Variants in WDR90 observed in about 807,000 individuals in gnomAD.
WDR90 encodes the protein WD repeat-containing protein 90.
A neutral mutation model predicts 195.2 loss-of-function variants in WDR90; 238 were observed. The observed-to-expected ratio is 1.22, with a 90% CI of 1.10 to 1.36. WDR90 has a LOEUF of 1.36. WDR90 is among the 40% of genes most tolerant of loss of function. The pLI is 0.00. For synonymous variants in WDR90, 1,265 were observed against 1,052.4 expected, an observed-to-expected ratio of 1.20 and a Z score of -3.91; for missense variants, 2,734 against 2,439.5, an observed-to-expected ratio of 1.12 and a Z score of -2.54.
chr16:655,509 G>T, intron 15 of WDR90, 41 bp downstream of exon 15: 2 of 1,539,514 alleles, frequency 1.3e-6, no homozygotes, highest in Non-Finnish European at 1.8e-6. Context: ...CCGGCATGGG[G>T]GCCCTGGTGC....
chr16:651,901 C>T lies in WDR90; in HGVS notation c.915C>T (p.Asn305=), dbSNP rs753908879. 1.4e-5 allele frequency: 23 copies of T among 1,611,230 alleles called. No homozygotes were observed. The highest frequency in any genetic ancestry group is 3.3e-4 in the Middle Eastern group (2 of 6,062). The change falls in exon 9 of 41, where the codon AAC becomes AAT. Residue 305 remains asparagine, a synonymous_variant. Transcript: ENST00000293879. ...CCCAAGAGCGCTCAGACGCCTCCAA[C>T]GCGGATGGCCCCGGTTTCCATAGCC... The part of the protein sequence containing the change: ...SLSQERSDAS[N]ADGPGFHSLE...
chr16:649,630 G>C, intron 1 of WDR90, 133 bp from the exon 2 acceptor site: 2 of 1,167,346 alleles, frequency 1.7e-6, no homozygotes, highest in Non-Finnish European at 2.2e-6. Flanking sequence ...CGCCAGCCTA[G>C]CTGGCGTTGG....
Position 660,720 on chromosome 16 carries a change from G to A in WDR90, c.3391+6G>A, listed in dbSNP as rs1161528618. The A allele has an allele frequency of 6.4e-7, 1 of 1,550,392 alleles. No homozygotes were observed. The highest frequency in any genetic ancestry group is 8.7e-7 in the Non-Finnish European group (1 of 1,144,544). Reference sequence around the variant, plus strand: ...GGTCTGGAGGCCGGACACAGGTGGGGGCCAAGAGCCTACCCCCACCCCCAG... The same window carrying A: ...GGTCTGGAGGCCGGACACAGGTGGGAGCCAAGAGCCTACCCCCACCCCCAG... On this transcript the variant is annotated splice_donor_region_variant and intron_variant, in intron 28 of 40. Transcript: ENST00000293879.
At chr16:659,978 T>C (rs1279904387) in intron 26 of WDR90, 80 bp from the exon 27 acceptor site, 3 of 1,083,590 alleles carry the variant, frequency 2.8e-6, no homozygotes, top group African/African-American at 3.2e-5. Context: ...CAGGGGCTTG[T>C]GGGGAGACTG....
At chr16:661,531 G>T (rs2037913461) in intron 30 of WDR90, 30 bp downstream of exon 30, 1 of 1,559,012 alleles carries the variant, frequency 6.4e-7, no homozygotes, top group Non-Finnish European at 8.6e-7. Context: ...GAGGCCAGGG[G>T]CTTCCCTAGA....
Position 650,512 on chromosome 16 carries a change from C to T in WDR90, c.389-27C>T, listed in dbSNP as rs766173906. ...AGTCGCGGGCTGTCAGGAGGGTGGG[C>T]GCTGACCCTGAGTGCCCATCCTGCA... is the stretch of plus-strand genomic sequence containing the variant. On this transcript the variant is annotated intron_variant, in intron 4 of 40. Transcript: ENST00000293879. 58 of 1,590,378 alleles carry T rather than the reference C, an allele frequency of 3.6e-5. No individual in the cohort carries two copies. In the South Asian group the frequency reaches 4.1e-4, roughly 11 times the overall value.
At chr16:666,871 C>T (rs762714468) in intron 39 of WDR90, 34 bp from the exon 40 acceptor site, 5 of 1,612,960 alleles carry the variant, frequency 3.1e-6, no homozygotes, top group Non-Finnish European at 4.2e-6. Context: ...GCCCTGAGCC[C>T]ACAGGCCTGG....
chr16:666,678 G>C lies in WDR90; in HGVS notation c.4890G>C (p.Gln1630His). 6.2e-7 allele frequency: 1 copy of C among 1,612,656 alleles called. No homozygotes were observed. Among genetic ancestry groups the C allele is most frequent in the South Asian group, 1.1e-5 (1 of 91,068 alleles). ...SFPMPATTET[Q>H]GHLPPSLAAF... ...AGCATGCTGCGCCTTTGCAGACTCA[G>C]GGCCACCTGCCACCCTCCCTCGCTG... The change falls in exon 39 of 41, where the codon CAG (glutamine) becomes CAC (histidine). Residue 1630 changes from glutamine to histidine, a missense_variant. By Grantham distance (24) the Gln-to-His change is conservative (BLOSUM62 0). Transcript: ENST00000293879.
chr16:653,158 G>C (rs775463777), intron 10 of WDR90, among the ~76,000 whole-genome samples, 183 bp from the exon 11 acceptor site: 52 of 152,180 alleles, frequency 3.4e-4, no homozygotes, highest in Admixed American at 3.3e-4. Flanking sequence ...CCTGTGACTC[G>C]TGTATGTAGT....
intron 34 of WDR90, 120 bp from the exon 35 acceptor site, chr16:665,559 G>A (rs895127355): frequency 2.6e-6 from 4 of 1,523,110 alleles, no homozygotes; most frequent in African/African-American, 1.4e-5. Flanking sequence ...AGTTGGCCGG[G>A]GCCAGAGGCA....
At chr16:654,769 C>T in intron 13 of WDR90, 1 of 516,222 alleles carries the variant, frequency 1.9e-6, no homozygotes, top group Non-Finnish European at 3.5e-6. Flanking sequence ...TTTTTATCCA[C>T]CTTCCGGCTT....
At position 656,251 on chromosome 16, in the gene WDR90, C is replaced by T. The variant is rs545749016; in HGVS notation, c.1967-51C>T. On this transcript the variant is annotated intron_variant, in intron 17 of 40. Coordinates refer to ENST00000293879, the MANE Select transcript of WDR90 (RefSeq NM_145294.5). ...GTCGGGGACCCGAAGCCTGAGCATG[C>T]GGCTCACCCCGGGGTGGCCCTGGAG... 1.4e-4 allele frequency: 219 copies of T among 1,526,364 alleles called. 1 individual carries two copies. In the South Asian group the frequency reaches 1.5e-3, roughly 10 times the overall value. The allele number at this position is 1,526,364 out of a possible 1,614,324, so 94.6% of individuals were successfully genotyped here. A position where few individuals can be genotyped will look rare whatever the true frequency, so the allele number is the denominator to read the frequency against.
At chr16:662,531 C>T (rs1410499698) in intron 33 of WDR90, 148 bp from the exon 34 acceptor site, 5 of 1,257,878 alleles carry the variant, frequency 4.0e-6, no homozygotes, top group Non-Finnish European at 5.4e-6. Context: ...AGCCCCAGCT[C>T]CATGGGCTTT....
intron 5 of WDR90, 104 bp downstream of exon 5, chr16:650,813 G>A: frequency 4.0e-6 from 6 of 1,514,602 alleles, no homozygotes; most frequent in Non-Finnish European, 5.4e-6. Flanking sequence ...CTCGAGCTGT[G>A]CTGTCTCTGA....
Position 662,006 on chromosome 16 carries a change from A to T in WDR90, c.3980A>T (p.Asp1327Val). The T allele has an allele frequency of 6.2e-7, 1 of 1,604,156 alleles. No homozygotes were observed. The highest frequency in any genetic ancestry group is 2.2e-5 in the East Asian group (1 of 44,876). The change falls in exon 32 of 41, where the codon GAC becomes GTC. Residue 1327 changes from aspartate (D) to valine (V), a missense_variant. By Grantham distance (152) the Asp-to-Val change is radical (BLOSUM62 -3). Transcript: ENST00000293879. ...GTSSGQVCVW[D>V]TRAGRCFLSW... is the part of the protein sequence containing the mutation. ...AGCTCTGGCCAGGTCTGTGTCTGGG[A>T]CACGCGTGCCGGCCGCTGCTTCTTG... is the stretch of plus-strand genomic sequence containing the variant.
Position 659,057 on chromosome 16 carries a change from TC to T in WDR90, c.3012-27del, listed in dbSNP as rs1391186486. On this transcript the variant is annotated intron_variant, in intron 24 of 40. Coordinates refer to ENST00000293879, the MANE Select transcript of WDR90 (RefSeq NM_145294.5). ...GTGTCTGCCTAGGCCCCCCAGGCCCTCCTGAAACCCTCTCTCCTCCCTCTCC... is the reference window on the plus strand; with the variant it reads ...GTGTCTGCCTAGGCCCCCCAGGCCCTCTGAAACCCTCTCTCCTCCCTCTCC... The T allele has an allele frequency of 1.9e-6, 3 of 1,612,936 alleles. No individual in the cohort carries two copies. The East Asian group carries it at 6.7e-5, about 36-fold the overall frequency.
chr16:650,595 C>G lies in WDR90; in HGVS notation c.445C>G (p.Gln149Glu). The G allele has an allele frequency of 6.2e-7, 1 of 1,612,762 alleles. No individual in the cohort carries two copies. The highest frequency in any genetic ancestry group is 8.5e-7 in the Non-Finnish European group (1 of 1,179,902). Residue 149 changes from glutamine to glutamate, a missense_variant, in exon 5 of 41, where the codon CAG becomes GAG. Transcript: ENST00000293879. ...CTGGACCTGCCTGCAGCTCGATCTGCAGGACGTTCTCCTGGTCTACCTGAA... is the reference window on the plus strand; with the variant it reads ...CTGGACCTGCCTGCAGCTCGATCTGGAGGACGTTCTCCTGGTCTACCTGAA... ...ARWTCLQLDL[Q>E]DVLLVYLNRC...
At position 661,374 on chromosome 16, in the gene WDR90, G is replaced by T. The variant is rs767449204; in HGVS notation, c.3546G>T (p.Thr1182=). ...VLASASGRSS[T]TAHCQIRVWD... is the part of the protein sequence containing the mutation. ...CCTCTGCCTCGGGCCGAAGCAGCACGACCGCCCATTGTCAGATCCGCGTCT... is the reference window on the plus strand; with the variant it reads ...CCTCTGCCTCGGGCCGAAGCAGCACTACCGCCCATTGTCAGATCCGCGTCT... Residue 1182 remains threonine (T), a synonymous_variant, in exon 30 of 41, where the codon ACG becomes ACT. Transcript: ENST00000293879. 6.2e-7 allele frequency: 1 copy of T among 1,609,658 alleles called. No individual in the cohort carries two copies. Among genetic ancestry groups the T allele is most frequent in the Non-Finnish European group, 8.5e-7 (1 of 1,179,452 alleles).
At position 650,529 on chromosome 16, in the gene WDR90, C is replaced by A; in HGVS notation, c.389-10C>A. ...AGGGTGGGCGCTGACCCTGAGTGCC[C>A]ATCCTGCAGATCTGGTGGGTTTGGC... is the stretch of plus-strand genomic sequence containing the variant. On this transcript the variant is annotated splice_polypyrimidine_tract_variant and intron_variant, in intron 4 of 40. Transcript: ENST00000293879. The A allele has an allele frequency of 6.3e-7, 1 of 1,595,544 alleles. No homozygotes were observed. The highest frequency in any genetic ancestry group is 8.6e-7 in the Non-Finnish European group (1 of 1,166,612).
Sources: allele counts gnomAD v4.1 joint callset (sites outside exome capture counted in the v4.1 genomes callset), GRCh38; gene constraint gnomAD v4.1.1; transcripts MANE v1.5; gene names NCBI Gene and HGNC (gene_info 2026-07-23, HGNC 2026-07-21).